Variants in ZNF875 observed in about 807,000 individuals in gnomAD.
ZNF875 encodes the protein zinc finger protein 875.
ZNF875 carries 14 observed loss-of-function variants against 11.2 expected under a neutral mutation model. That is an observed-to-expected ratio of 1.26 (90% CI 0.83 to 1.96). The LOEUF (loss-of-function observed/expected upper bound fraction) is 1.96, where lower values mean the gene tolerates loss of function less well. Among genes scored for constraint, ZNF875 ranks in the 30% most tolerant of loss-of-function variants. The pLI, the probability that ZNF875 is intolerant of heterozygous loss-of-function variation, is 0.00. For missense variants in ZNF875, 752 were observed against 760.4 expected (o/e 0.99, Z 0.13); for synonymous variants, 301 against 281.1 (o/e 1.07, Z -0.71).
chr19:37,360,440 T>C (rs1171755762), intron 4 of ZNF875, among the ~76,000 whole-genome samples: 2 of 152,218 alleles, frequency 1.3e-5, no homozygotes, highest in East Asian at 3.8e-4. Context: ...TAGGATCAGA[T>C]TGTGAATTTC....
chr19:37,357,898 C>T (rs1038829920), intron 4 of ZNF875: 2 of 398,192 alleles, frequency 5.0e-6, no homozygotes, highest in East Asian at 3.6e-5. Context: ...TTCTCTAGGA[C>T]TTCCAGTACT....
At chr19:37,351,324 T>C (rs2037858502) in intron 4 of ZNF875, among the ~76,000 whole-genome samples, 1 of 152,174 alleles carries the variant, frequency 6.6e-6, no homozygotes, top group South Asian at 2.1e-4. Context: ...TTTAAAACAT[T>C]TTGGGGGTAT....
intron 4 of ZNF875, among the ~76,000 whole-genome samples, chr19:37,327,060 C>T (rs1451176405): frequency 9.2e-5 from 14 of 151,404 alleles, no homozygotes; most frequent in Admixed American, 4.6e-4. Context: ...TGGCAGGTCT[C>T]GGATCCCTGC....
intron 2 of ZNF875, among the ~76,000 whole-genome samples, chr19:37,336,840 G>A (rs938796573): frequency 9.9e-5 from 15 of 151,862 alleles, no homozygotes; most frequent in Non-Finnish European, 5.9e-5. Context: ...CCTGGGAAGC[G>A]GGGGTTGCAG....
At chr19:37,330,331 G>A (rs2033180843), upstream of ZNF875, among the ~76,000 whole-genome samples, 1 of 152,066 alleles carries the variant, frequency 6.6e-6, no homozygotes, top group Admixed American at 6.5e-5. Flanking sequence ...GACAGGAAAG[G>A]CTCAACACTT....
At chr19:37,316,060 T>C (rs2030168512), upstream of ZNF875, among the ~76,000 whole-genome samples, 1 of 152,174 alleles carries the variant, frequency 6.6e-6, no homozygotes, top group African/African-American at 2.4e-5. Flanking sequence ...TTCATCAAAA[T>C]TATAGTAAAG....
chr19:37,353,023 G>A (rs1160755322), intron 4 of ZNF875, among the ~76,000 whole-genome samples: 1 of 151,344 alleles, frequency 6.6e-6, no homozygotes, highest in African/African-American at 2.4e-5. Context: ...AGGGGCGCAC[G>A]CTACTACGCC....
At chr19:37,330,676 A>G (rs918008416), upstream of ZNF875, among the ~76,000 whole-genome samples, 9 of 152,138 alleles carry the variant, frequency 5.9e-5, no homozygotes, top group African/African-American at 2.2e-4. Flanking sequence ...TCCTCCAGCC[A>G]TGGTTTTAGT....
rs200588655 is a variant in ZNF875, at chr19:37,322,981, C to A, written c.-698-552C>A. Among the ~76,000 whole-genome samples, 3 of 152,166 alleles carry A rather than the reference C, an allele frequency of 2.0e-5. No homozygotes were observed. In the East Asian group the frequency reaches 5.8e-4, roughly 29 times the overall value. On this transcript the variant is annotated intron_variant, in intron 2 of 5. Coordinates refer to the ZNF875 transcript ENST00000544914. ...AGGACCCACTACCCTCCCCCACCCA[C>A]TGCAAGCTTGAACATTTGATGGTGG...
intron 4 of ZNF875, chr19:37,358,482 C>T (rs1220074678): frequency 6.6e-6 from 1 of 150,954 alleles, no homozygotes; most frequent in Non-Finnish European, 1.5e-5. Context: ...ATTTATTGAA[C>T]ACTGACATTT....
chr19:37,337,276 CT>C, intron 2 of ZNF875: 1 of 152,314 alleles, frequency 6.6e-6, no homozygotes, highest in Non-Finnish European at 1.5e-5. Context: ...AAGGGTTTGC[CT>C]TTTCCACCTC....
intron 4 of ZNF875, among the ~76,000 whole-genome samples, chr19:37,351,450 T>C (rs2037880662): frequency 6.6e-6 from 1 of 152,206 alleles, no homozygotes; most frequent in Non-Finnish European, 1.5e-5. Flanking sequence ...TTGTATCTTT[T>C]TCTGCATTCT....
At chr19:37,348,115 G>T (rs1280688051) in intron 4 of ZNF875, among the ~76,000 whole-genome samples, 2 of 152,156 alleles carry the variant, frequency 1.3e-5, no homozygotes, top group Non-Finnish European at 2.9e-5. Flanking sequence ...GTAATGCTTA[G>T]TCTTTCCTCA....
chr19:37,341,888 T>G (rs566422725), intron 2 of ZNF875, among the ~76,000 whole-genome samples: 46 of 152,324 alleles, frequency 3.0e-4, no homozygotes, highest in African/African-American at 1.1e-3. Flanking sequence ...GAGAGAGAGA[T>G]ACTGCAGTAG....
At chr19:37,332,593 T>A (rs2033576338), upstream of ZNF875, among the ~76,000 whole-genome samples, 1 of 152,124 alleles carries the variant, frequency 6.6e-6, no homozygotes, top group Admixed American at 6.5e-5. Context: ...CAGGTTTAGA[T>A]CTGAAGTATT....
chr19:37,331,277 T>C (rs939839169), upstream of ZNF875, among the ~76,000 whole-genome samples: 4 of 134,226 alleles, frequency 3.0e-5, no homozygotes, highest in East Asian at 1.0e-3. Context: ...TTGCCAAGGC[T>C]GGAGTGCAAT....
upstream of ZNF875, chr19:37,317,203 T>TTTTTTTA (rs2030282327): frequency 7.7e-6 from 1 of 130,228 alleles, no homozygotes; most frequent in Non-Finnish European, 1.6e-5. Context: ...TTTTTTTTTT[T>TTTTTTTA]GAGACGGAGT....
intron 2 of ZNF875, among the ~76,000 whole-genome samples, chr19:37,322,844 C>T (rs1302858265): frequency 2.6e-5 from 4 of 152,198 alleles, no homozygotes; most frequent in African/African-American, 9.7e-5. Flanking sequence ...TAAACCATCT[C>T]ACCCGATCTG....
intron 4 of ZNF875, among the ~76,000 whole-genome samples, chr19:37,350,799 C>CTT (rs61142979): frequency 0.015 from 1,398 of 91,074 alleles, 15 homozygotes; most frequent in African/African-American, 0.026. Context: ...ATTCTTTTTG[C>CTT]TTTTTTTTTT....
Sources: gnomAD v4.1 joint callset for allele counts (sites outside exome capture counted in the v4.1 genomes callset) on GRCh38, gnomAD v4.1.1 for gene constraint, MANE v1.5 for transcripts, NCBI Gene and HGNC (gene_info 2026-07-23, HGNC 2026-07-21) for gene names.